The following AR variants were observed in gnomAD, a reference collection of about 807,000 sequenced individuals.
AR encodes the protein androgen receptor.
Under a neutral mutation model 53.9 loss-of-function variants are expected in AR, and 8 were observed. The ratio of observed to expected loss-of-function variants is 0.15; its 90% CI spans 0.09 to 0.27. The LOEUF (loss-of-function observed/expected upper bound fraction) is 0.27. Ranked by LOEUF, AR falls within the 10% of genes least tolerant of loss-of-function variation. The probability of loss-of-function intolerance (pLI) is 1.00; values close to 1 mark genes in which losing one functional copy is unlikely to be tolerated. For synonymous variants in AR, 359 were observed against 316.4 expected (o/e 1.13, Z -1.43); for missense variants, 639 against 742.5 (o/e 0.86, Z 1.62).
At chrX:67,641,915 A>G (rs990963751) in intron 1 of AR, among the ~76,000 whole-genome samples, 1 of 103,336 alleles carries the variant, frequency 9.7e-6, no homozygotes, top group African/African-American at 3.5e-5. Context: ...CCAAAAGGCC[A>G]TTGGTGGAAA....
At chrX:67,699,741 G>T (rs1328149808) in intron 3 of AR, among the ~76,000 whole-genome samples, 1 of 110,973 alleles carries the variant, frequency 9.0e-6, no homozygotes. Flanking sequence ...TTCATAGTGA[G>T]ATAGGGAGAA....
At chrX:67,699,467 T>C (rs755543811) in intron 3 of AR, among the ~76,000 whole-genome samples, 3 of 112,161 alleles carry the variant, frequency 2.7e-5, no homozygotes, top group Non-Finnish European at 5.6e-5. Context: ...GACTCTTCCT[T>C]GTGTTGAATG....
chrX:67,591,737 A>T (rs1344562531), intron 1 of AR, among the ~76,000 whole-genome samples: 1 of 111,855 alleles, frequency 8.9e-6, no homozygotes, highest in Non-Finnish European at 1.9e-5. Flanking sequence ...GAGCCACGAG[A>T]TAAAAACTCC....
intron 3 of AR, among the ~76,000 whole-genome samples, chrX:67,692,937 T>G (rs1179791684): frequency 8.9e-6 from 1 of 112,366 alleles, no homozygotes; most frequent in East Asian, 2.8e-4. Flanking sequence ...ACATACATAT[T>G]TGGTGACACT....
chrX:67,714,350 A>G (rs1251667138), intron 4 of AR, among the ~76,000 whole-genome samples: 1 of 112,069 alleles, frequency 8.9e-6, no homozygotes, highest in Non-Finnish European at 1.9e-5. Flanking sequence ...AAACATAGTC[A>G]ATGCTCTGTA....
At chrX:67,678,632 A>T (rs1361380611) in intron 2 of AR, among the ~76,000 whole-genome samples, 1 of 111,759 alleles carries the variant, frequency 8.9e-6, no homozygotes, top group Non-Finnish European at 1.9e-5. Context: ...TTCATCACCC[A>T]GGTAATAAGC....
chrX:67,692,671 G>A (rs772240745), intron 3 of AR, among the ~76,000 whole-genome samples: 1 of 111,467 alleles, frequency 9.0e-6, no homozygotes, highest in African/African-American at 3.3e-5. Context: ...TCTTTTTTAC[G>A]GCATTGTTGT....
intron 3 of AR, among the ~76,000 whole-genome samples, chrX:67,701,029 A>G (rs1487694554): frequency 8.9e-6 from 1 of 111,749 alleles, no homozygotes; most frequent in Non-Finnish European, 1.9e-5. Context: ...AGAACAGTGT[A>G]CATTCACAGC....
rs769528771 is a variant in AR, at chrX:67,649,828, G to A, written c.1768+6421G>A. On this transcript the variant is annotated intron_variant, in intron 2 of 7. Coordinates refer to ENST00000374690, the MANE Select transcript of AR (RefSeq NM_000044.6). ...AAATTTTCTCTCATTCTGTAGGTTGGTTGTTCACTCTGATGATAGTTTCTT... is the reference window on the plus strand; with the variant it reads ...AAATTTTCTCTCATTCTGTAGGTTGATTGTTCACTCTGATGATAGTTTCTT... Among the ~76,000 whole-genome samples the A allele has an allele frequency of 1.2e-4, 13 of 111,931 alleles. No individual in the cohort carries two copies. In the South Asian group the frequency reaches 1.9e-3, roughly 16 times the overall value.
At chrX:67,699,460 T>C (rs1374161135) in intron 3 of AR, among the ~76,000 whole-genome samples, 1 of 112,177 alleles carries the variant, frequency 8.9e-6, no homozygotes. Context: ...CAACAGAGAC[T>C]CTTCCTTGTG....
intron 3 of AR, among the ~76,000 whole-genome samples, chrX:67,693,675 G>A (rs1053082120): frequency 7.2e-5 from 8 of 111,515 alleles, no homozygotes; most frequent in Non-Finnish European, 1.3e-4. Flanking sequence ...CCCAGAAATC[G>A]GTAGAGCCTT....
rs1442625514 is a variant in AR, at chrX:67,726,559, A to C, written c.*2718A>C. 1.1e-5 allele frequency: 2 copies of C among 175,898 alleles called. No individual in the cohort carries two copies. Among genetic ancestry groups the C allele is most frequent in the East Asian group, 1.6e-4 (2 of 12,403 alleles). 14.5% of individuals were successfully genotyped at this position (175,898 alleles called of 1,213,427 possible). On this transcript the variant is annotated 3_prime_UTR_variant, in exon 8 of 8. Transcript: ENST00000374690. Reference sequence around the variant, plus strand: ...TGTTTTTCATTTGCAAAAGCCAAAAATCAGTGAAACAGCAGTGTAATTAAA... The same window carrying C: ...TGTTTTTCATTTGCAAAAGCCAAAACTCAGTGAAACAGCAGTGTAATTAAA...
chrX:67,579,454 A>C (rs1175216411), intron 1 of AR, among the ~76,000 whole-genome samples: 1 of 111,517 alleles, frequency 9.0e-6, no homozygotes, highest in East Asian at 2.8e-4. Context: ...ACTACTTCAG[A>C]AAAGGGTTGT....
intron 2 of AR, among the ~76,000 whole-genome samples, chrX:67,683,501 C>T (rs867834504): frequency 8.9e-6 from 1 of 111,968 alleles, no homozygotes; most frequent in Non-Finnish European, 1.9e-5. Flanking sequence ...CAATCTATCT[C>T]ATGTAATCAA....
chrX:67,597,448 A>C (rs1331692772), intron 1 of AR, among the ~76,000 whole-genome samples: 1 of 111,674 alleles, frequency 9.0e-6, no homozygotes, highest in Non-Finnish European at 1.9e-5. Flanking sequence ...GCTAAGTTCA[A>C]AATTGAATTA....
chrX:67,638,045 A>G (rs752517366), intron 1 of AR, among the ~76,000 whole-genome samples: 16 of 109,050 alleles, frequency 1.5e-4, no homozygotes, highest in Admixed American at 9.8e-4. Flanking sequence ...TCATTGTTCA[A>G]CTCCCACTTT....
chrX:67,660,080 ATTTG>A (rs1292740362), intron 2 of AR, among the ~76,000 whole-genome samples: 1 of 111,331 alleles, frequency 9.0e-6, no homozygotes, highest in African/African-American at 3.3e-5. Context: ...TTTCTTGTAA[ATTTG>A]TTTGAGTTCT....
chrX:67,569,155 T>C (rs1921693541), intron 1 of AR: 1 of 542,387 alleles, frequency 1.8e-6, no homozygotes, highest in East Asian at 7.6e-5. Flanking sequence ...TGCTTGAATA[T>C]CTTAGCATGT....
At chrX:67,568,274 T>C in intron 1 of AR, among the ~76,000 whole-genome samples, 1 of 111,717 alleles carries the variant, frequency 9.0e-6, no homozygotes, top group Non-Finnish European at 1.9e-5. Context: ...AAACAGTGGG[T>C]TGAAAGAGGG....
Sources: allele counts gnomAD v4.1 joint callset (sites outside exome capture counted in the v4.1 genomes callset), GRCh38; gene constraint gnomAD v4.1.1; transcripts MANE v1.5; gene names NCBI Gene and HGNC (gene_info 2026-07-23, HGNC 2026-07-21).